Variants in YES1 observed in about 807,000 individuals in gnomAD.
The protein encoded by YES1 is tyrosine-protein kinase Yes.
Under a neutral mutation model 70.4 loss-of-function variants are expected in YES1, and 39 were observed. The observed-to-expected ratio is 0.55, with a 90% confidence interval of 0.43 to 0.72. YES1 has a LOEUF of 0.72. Ranked by LOEUF, YES1 falls within the 30% of genes least tolerant of loss-of-function variation. The pLI is 0.00. For missense variants in YES1, 495 were observed against 644.8 expected (o/e 0.77, Z 2.52); for synonymous variants, 198 against 218.6 (o/e 0.91, Z 0.83).
intron 1 of YES1, among the ~76,000 whole-genome samples, chr18:788,651 G>T (rs1381366399): frequency 6.6e-6 from 1 of 152,204 alleles, no homozygotes; most frequent in African/African-American, 2.4e-5. Context: ...AGGTGCAGTG[G>T]CTCACGCCTG....
chr18:761,278 T>TA (rs1904579351), intron 1 of YES1, among the ~76,000 whole-genome samples: 2 of 151,812 alleles, frequency 1.3e-5, no homozygotes, highest in Admixed American at 1.3e-4. Context: ...GTAAAAATCT[T>TA]AAAAGTCGGT....
chr18:723,352 A>G lies in YES1; in HGVS notation c.*1072T>C, dbSNP rs2079981798. ...CATTCTGTCACTCCATGACATCAAC[A>G]TTAAACATTACCTTCCATCCCTCTA... is the stretch of plus-strand genomic sequence containing the variant. On this transcript the variant is annotated 3_prime_UTR_variant, in exon 12 of 12. Coordinates refer to ENST00000314574, the MANE Select transcript of YES1 (RefSeq NM_005433.4). 6.6e-6 allele frequency: 1 copy of G among 152,588 alleles called. No homozygotes were observed. The highest frequency in any genetic ancestry group is 2.1e-4 in the South Asian group (1 of 4,824). The allele number at this position is 152,588 out of a possible 1,614,324, so 9.5% of individuals were successfully genotyped here.
chr18:805,236 T>C (rs1233707883), intron 1 of YES1, among the ~76,000 whole-genome samples: 3 of 152,204 alleles, frequency 2.0e-5, no homozygotes, highest in Non-Finnish European at 1.5e-5. Context: ...GTATGGCCTA[T>C]TTCTCTCAGG....
At chr18:796,088 G>C (rs1014272795) in intron 1 of YES1, among the ~76,000 whole-genome samples, 3 of 152,204 alleles carry the variant, frequency 2.0e-5, no homozygotes, top group Non-Finnish European at 2.9e-5. Context: ...ATAAATCTAA[G>C]TAACATTAAA....
At chr18:737,227 TG>T (rs1482623653) in intron 9 of YES1, 6 of 276,594 alleles carry the variant, frequency 2.2e-5, no homozygotes, top group Non-Finnish European at 4.1e-5. Context: ...CCGAGGCAGG[TG>T]GATCATTTGA....
intron 1 of YES1, among the ~76,000 whole-genome samples, chr18:785,924 T>C (rs1343278341): frequency 1.3e-5 from 2 of 151,956 alleles, no homozygotes; most frequent in Admixed American, 1.3e-4. Flanking sequence ...GGCAAAAGAG[T>C]GACACTGTCT....
At chr18:727,498 T>C (rs2080034527) in intron 11 of YES1, among the ~76,000 whole-genome samples, 1 of 152,206 alleles carries the variant, frequency 6.6e-6, no homozygotes, top group African/African-American at 2.4e-5. Context: ...CTGATCTTTG[T>C]TCCATCTGTT....
intron 1 of YES1, among the ~76,000 whole-genome samples, chr18:793,291 G>A (rs570774088): frequency 4.5e-4 from 68 of 151,940 alleles, no homozygotes; most frequent in South Asian, 3.3e-3. Context: ...CACCCACCTC[G>A]GCCTCCCAAA....
chr18:799,924 G>A (rs1906737357), intron 1 of YES1, among the ~76,000 whole-genome samples: 1 of 151,638 alleles, frequency 6.6e-6, no homozygotes, highest in African/African-American at 2.4e-5. Flanking sequence ...AAAAAAAGAA[G>A]GTATGATTGC....
At chr18:776,592 A>C (rs1232080881) in intron 1 of YES1, among the ~76,000 whole-genome samples, 1 of 152,156 alleles carries the variant, frequency 6.6e-6, no homozygotes, top group East Asian at 1.9e-4. Context: ...AGTAGGATTT[A>C]GTGCATTTAC....
chr18:726,250 C>T (rs1169983723), intron 11 of YES1, among the ~76,000 whole-genome samples: 1 of 151,956 alleles, frequency 6.6e-6, no homozygotes. Flanking sequence ...ATGGTGAAGC[C>T]CCGTCTCTAC....
Position 737,025 on chromosome 18 carries a change from T to C in YES1, c.1138-64A>G, listed in dbSNP as rs1189689902. The stretch of plus-strand genomic sequence containing the variant: ...ACAAAGGGAAGCAGAGAGAAGACAA[T>C]TATGGTTAATATCAAATTGTGTCAC... On this transcript the variant is annotated intron_variant, in intron 9 of 11. Transcript: ENST00000314574. 3.0e-6 allele frequency: 4 copies of C among 1,336,970 alleles called. No individual in the cohort carries two copies. In the East Asian group the frequency reaches 9.8e-5, roughly 33 times the overall value. The allele number at this position is 1,336,970 out of a possible 1,614,324, so 82.8% of individuals were successfully genotyped here.
intron 2 of YES1, 53 bp from the exon 3 acceptor site, chr18:751,857 AG>A (rs2080348172): frequency 9.4e-7 from 1 of 1,062,638 alleles, no homozygotes; most frequent in Non-Finnish European, 1.4e-6. Context: ...TTAACAAAAC[AG>A]AAAAAAAGAA....
chr18:780,540 T>C (rs749923760), intron 1 of YES1, among the ~76,000 whole-genome samples: 12 of 152,166 alleles, frequency 7.9e-5, no homozygotes, highest in Non-Finnish European at 1.2e-4. Flanking sequence ...TGCCACCCCA[T>C]GACCTTGGAC....
chr18:752,612 TATTTA>T (rs1422125532), intron 2 of YES1, among the ~76,000 whole-genome samples: 1 of 152,060 alleles, frequency 6.6e-6, no homozygotes, highest in South Asian at 2.1e-4. Context: ...AATTATTACA[TATTTA>T]ACACTTAAAG....
At chr18:749,895 G>GT (rs1183449565) in intron 3 of YES1, among the ~76,000 whole-genome samples, 1 of 151,290 alleles carries the variant, frequency 6.6e-6, no homozygotes, top group Non-Finnish European at 1.5e-5. Context: ...AAATATTCCA[G>GT]TAAGACCAAA....
chr18:809,914 C>T (rs1030195079), intron 1 of YES1, among the ~76,000 whole-genome samples: 1 of 152,076 alleles, frequency 6.6e-6, no homozygotes, highest in Non-Finnish European at 1.5e-5. Flanking sequence ...AGCCAGGTCC[C>T]TATCACAATC....
intron 1 of YES1, among the ~76,000 whole-genome samples, chr18:759,705 TTC>T (rs386386829): frequency 6.6e-6 from 1 of 151,508 alleles, no homozygotes; most frequent in Admixed American, 6.6e-5. Flanking sequence ...ATTTATTTAT[TTC>T]TTTTTTTCTT....
chr18:809,454 C>A lies in YES1; in HGVS notation c.-9+2660G>T, dbSNP rs368034931. 2.6e-5 allele frequency among the ~76,000 whole-genome samples: 4 copies of A among 152,214 alleles called. No individual in the cohort carries two copies. In the South Asian group the frequency reaches 8.3e-4, roughly 32 times the overall value. ...AGCTGGGATTACAGGGGCGCGCCAC[C>A]ACACCCAGATAATTTTTGTACTTTT... is the stretch of plus-strand genomic sequence containing the variant. On this transcript the variant is annotated intron_variant, in intron 1 of 11. Coordinates refer to ENST00000314574, the MANE Select transcript of YES1 (RefSeq NM_005433.4).
Sources: allele counts gnomAD v4.1 joint callset (sites outside exome capture counted in the v4.1 genomes callset), GRCh38; gene constraint gnomAD v4.1.1; transcripts MANE v1.5; gene names NCBI Gene and HGNC (gene_info 2026-07-23, HGNC 2026-07-21).